Variants in TM9SF4 observed in about 807,000 individuals in gnomAD.
TM9SF4 encodes transmembrane 9 superfamily member 4.
In TM9SF4, 26 loss-of-function variants were observed where a neutral mutation model predicts 90.4. That is an observed-to-expected ratio of 0.29 (90% confidence interval 0.21 to 0.40). The LOEUF (loss-of-function observed/expected upper bound fraction) is 0.40. Among genes scored for constraint, TM9SF4 ranks in the 10% least tolerant of loss-of-function variants. The pLI is 1.00. For missense variants in TM9SF4, 549 were observed against 834.8 expected, an observed-to-expected ratio of 0.66 and a Z score of 4.22; for synonymous variants, 293 against 315.4, an observed-to-expected ratio of 0.93 and a Z score of 0.75.
At chr20:32,135,802 A>G (rs950601831) in intron 2 of TM9SF4, among the ~76,000 whole-genome samples, 1 of 152,230 alleles carries the variant, frequency 6.6e-6, no homozygotes, top group Non-Finnish European at 1.5e-5. Context: ...AAAGATGCCC[A>G]AAAGTGAAAT....
At chr20:32,157,761 C>G (rs1179761315) in intron 13 of TM9SF4, 33 bp from the exon 14 acceptor site, 1 of 1,610,206 alleles carries the variant, frequency 6.2e-7, no homozygotes, top group Non-Finnish European at 8.5e-7. Flanking sequence ...GGCATCAGGG[C>G]CTCGTGGGGG....
chr20:32,139,743 G>A (rs2046644725), intron 3 of TM9SF4, among the ~76,000 whole-genome samples: 1 of 152,246 alleles, frequency 6.6e-6, no homozygotes, highest in Non-Finnish European at 1.5e-5. Flanking sequence ...GGCCCCCTGA[G>A]TACTGGCCCA....
intron 1 of TM9SF4, among the ~76,000 whole-genome samples, chr20:32,112,576 C>T (rs911268332): frequency 6.6e-6 from 1 of 151,974 alleles, no homozygotes; most frequent in African/African-American, 2.4e-5. Context: ...CACCTGTAAT[C>T]CCAGCTACTC....
At chr20:32,110,992 G>C (rs771863572) in intron 1 of TM9SF4, among the ~76,000 whole-genome samples, 1 of 152,238 alleles carries the variant, frequency 6.6e-6, no homozygotes, top group African/African-American at 2.4e-5. Flanking sequence ...AATGACATTT[G>C]ACTTTAGCAA....
chr20:32,149,606 C>T (rs1289942726), intron 9 of TM9SF4, 28 bp from the exon 10 acceptor site: 6 of 1,614,064 alleles, frequency 3.7e-6, no homozygotes, highest in Non-Finnish European at 5.1e-6. Context: ...TCTTCAACAA[C>T]CAGCCTCACT....
rs757404270 is a variant in TM9SF4 at position 32,132,999 on chromosome 20, T to A, written c.16-14T>A. 15 of 1,611,942 alleles carry A rather than the reference T, an allele frequency of 9.3e-6. No individual in the cohort carries two copies. In the South Asian group the frequency reaches 1.4e-4, roughly 15 times the overall value. On this transcript the variant is annotated splice_polypyrimidine_tract_variant and intron_variant, in intron 1 of 17. Coordinates refer to ENST00000398022, the MANE Select transcript of TM9SF4 (RefSeq NM_014742.4). ...TCTTCTCCCCAATCCAACCCTGGCC[T>A]CTCTTCTGAGCAGGATTGGTTGCCG...
At chr20:32,119,084 G>T (rs2046269518) in intron 1 of TM9SF4, among the ~76,000 whole-genome samples, 1 of 152,164 alleles carries the variant, frequency 6.6e-6, no homozygotes, top group African/African-American at 2.4e-5. Flanking sequence ...AGGCGCAGTG[G>T]CTCACACCTG....
rs552178124 is a variant in TM9SF4 at position 32,122,296 on chromosome 20, C to A, written c.16-10717C>A. On this transcript the variant is annotated intron_variant, in intron 1 of 17. Transcript: ENST00000398022. ...CTCCCGGACGGGGCGGCTGGCCTGG[C>A]GGGGGGCTGACCCCCCCCACCTCCC... 9.5e-5 allele frequency among the ~76,000 whole-genome samples: 5 copies of A among 52,748 alleles called. No individual in the cohort carries two copies. The South Asian group carries it at 3.0e-3, about 32-fold the overall frequency. 34.6% of individuals were successfully genotyped at this position (52,748 alleles called of 152,430 possible). A position where few individuals can be genotyped will look rare whatever the true frequency, so the allele number is the denominator to read the frequency against.
chr20:32,150,829 T>C lies in TM9SF4; in HGVS notation c.1199T>C (p.Leu400Pro). 1 of 1,614,254 alleles carries C rather than the reference T, an allele frequency of 6.2e-7. No individual in the cohort carries two copies. Residue 400 changes from leucine (L) to proline (P), a missense_variant, in exon 12 of 18, where the codon CTG becomes CCG. Physicochemically the swap from Leu to Pro is moderately conservative, Grantham distance 98 (BLOSUM62 -3). Around this residue, in one of 2 missense-constraint regions of TM9SF4, gnomAD observed 495 missense variants for 711.7 expected, o/e 0.70. Transcript: ENST00000398022. ...TTTGGCGGATTTTCTGCTGGCCGTC[T>C]GTACCGCACTTTAAAAGGCCATCGG... Reference protein sequence around the residue: ...GVFGGFSAGRLYRTLKGHRWK... With the variant: ...GVFGGFSAGRPYRTLKGHRWK...
In TM9SF4 at chr20:32,157,928, G is replaced by A. The variant is rs373101031; in HGVS notation, c.1464G>A (p.Arg488=). ...DNPVRTNQIP[R]QIPEQRWYMN... ...CTGTGCGCACCAACCAGATTCCCCG[G>A]CAGATCCCCGAGCAGCGGTGGTACA... The change falls in exon 14 of 18, where the codon CGG becomes CGA. Residue 488 remains arginine (R), a synonymous_variant. Coordinates refer to ENST00000398022, the MANE Select transcript of TM9SF4 (RefSeq NM_014742.4). 6.2e-7 allele frequency: 1 copy of A among 1,614,068 alleles called. No homozygotes were observed. The highest frequency in any genetic ancestry group is 8.5e-7 in the Non-Finnish European group (1 of 1,180,016).
At chr20:32,135,973 T>C in intron 2 of TM9SF4, 101 bp from the exon 3 acceptor site, 2 of 933,764 alleles carry the variant, frequency 2.1e-6, no homozygotes, top group South Asian at 2.9e-5. Context: ...TCATTTCTGC[T>C]AATTCGTTTG....
chr20:32,142,929 G>C, intron 5 of TM9SF4, 53 bp from the exon 6 acceptor site: 1 of 1,603,116 alleles, frequency 6.2e-7, no homozygotes, highest in Non-Finnish European at 8.5e-7. Context: ...CTAATACCTG[G>C]AGAGTATCCC....
intron 3 of TM9SF4, among the ~76,000 whole-genome samples, chr20:32,140,387 C>T (rs2046654827): frequency 6.6e-6 from 1 of 152,058 alleles, no homozygotes; most frequent in Non-Finnish European, 1.5e-5. Context: ...TGCTGGATTT[C>T]ACCCCACTCC....
Position 32,149,646 on chromosome 20 carries a change from G to A in TM9SF4, c.967G>A (p.Glu323Lys). 1 of 1,614,200 alleles carries A rather than the reference G, an allele frequency of 6.2e-7. No homozygotes were observed. The highest frequency in any genetic ancestry group is 8.5e-7 in the Non-Finnish European group (1 of 1,180,044). Reference protein sequence around the residue: ...NKEDDIEDTMEESGWKLVHGD... With the variant: ...NKEDDIEDTMKESGWKLVHGD... The stretch of plus-strand genomic sequence containing the variant: ...CCCTTCGCTGCAGGAAGACACCATG[G>A]AGGAGTCTGGGTGGAAGTTGGTGCA... Residue 323 changes from glutamate to lysine, a missense_variant, in exon 10 of 18, where the codon GAG (glutamate) becomes AAG (lysine). Coordinates refer to ENST00000398022, the MANE Select transcript of TM9SF4 (RefSeq NM_014742.4).
At position 32,149,687 on chromosome 20, in the gene TM9SF4, GC is replaced by G. The variant is rs756722453; in HGVS notation, c.1015del (p.Gln339SerfsTer4). 2 of 1,613,954 alleles carry G rather than the reference GC, an allele frequency of 1.2e-6. No homozygotes were observed. Among genetic ancestry groups the G allele is most frequent in the Non-Finnish European group, 1.7e-6 (2 of 1,180,000 alleles). Reference sequence around the variant, plus strand: ...AGTTGGTGCACGGCGACGTCTTCAGGCCCCCCCAGTACCCCATGATCCTCAG... The same window carrying G: ...AGTTGGTGCACGGCGACGTCTTCAGGCCCCCCAGTACCCCATGATCCTCAG... ...WKLVHGDVFR[P>X]PQYPMILSSL... On this transcript the variant is annotated frameshift_variant, in exon 10 of 18. Coordinates refer to ENST00000398022, the MANE Select transcript of TM9SF4 (RefSeq NM_014742.4). LOFTEE classifies it high-confidence loss of function.
rs773759884 is a variant in TM9SF4, at chr20:32,165,413, G to T, written c.1898G>T (p.Arg633Leu). The change falls in exon 18 of 18, where the codon CGC becomes CTC. Residue 633 changes from arginine to leucine, a missense_variant. Physicochemically the swap from Arg to Leu is moderately radical, Grantham distance 102. Around this residue, in one of 2 missense-constraint regions of TM9SF4, gnomAD observed 54 missense variants for 123.1 expected, o/e 0.44. Transcript: ENST00000398022. ...IGFYAAYMFVRKIYAAVKID is the reference protein window; with the variant it reads ...IGFYAAYMFVLKIYAAVKID Reference sequence around the variant, plus strand: ...TTCTATGCAGCCTACATGTTTGTTCGCAAGATCTATGCTGCTGTGAAGATA... The same window carrying T: ...TTCTATGCAGCCTACATGTTTGTTCTCAAGATCTATGCTGCTGTGAAGATA... 6.2e-7 allele frequency: 1 copy of T among 1,614,134 alleles called. No homozygotes were observed. Among genetic ancestry groups the T allele is most frequent in the South Asian group, 1.1e-5 (1 of 91,082 alleles).
intron 1 of TM9SF4, among the ~76,000 whole-genome samples, chr20:32,122,449 C>A (rs1312023890): frequency 6.7e-6 from 1 of 148,274 alleles, no homozygotes; most frequent in Admixed American, 6.7e-5. Flanking sequence ...ACTTCTCATA[C>A]GGGGCGGCTG....
Position 32,141,761 on chromosome 20 carries a change from T to A in TM9SF4, c.399-5T>A. 1 of 1,614,054 alleles carries A rather than the reference T, an allele frequency of 6.2e-7. No individual in the cohort carries two copies. Among genetic ancestry groups the A allele is most frequent in the Non-Finnish European group, 8.5e-7 (1 of 1,179,978 alleles). On this transcript the variant is annotated splice_region_variant and splice_polypyrimidine_tract_variant and intron_variant, in intron 4 of 17. Transcript: ENST00000398022. Reference sequence around the variant, plus strand: ...GAGGGACTGAGTGGGGCCTTCACTTTCCAGCATTGCTGACAACCTGCCTGT... The same window carrying A: ...GAGGGACTGAGTGGGGCCTTCACTTACCAGCATTGCTGACAACCTGCCTGT...
intron 12 of TM9SF4, among the ~76,000 whole-genome samples, chr20:32,154,437 T>A (rs1286453378): frequency 1.3e-5 from 2 of 151,824 alleles, no homozygotes; most frequent in African/African-American, 4.8e-5. Flanking sequence ...TATGTATATA[T>A]TGGGTAGTTA....
Sources: allele counts gnomAD v4.1 joint callset (sites outside exome capture counted in the v4.1 genomes callset), GRCh38; gene constraint gnomAD v4.1.1; regional missense constraint gnomAD v4.1.1; transcripts MANE v1.5; gene names NCBI Gene and HGNC (gene_info 2026-07-23, HGNC 2026-07-21).